The following CREB5 variants were observed in gnomAD, a reference collection of about 807,000 sequenced individuals.
CREB5 encodes the protein cAMP responsive element binding protein 5, also known as cyclic AMP-responsive element-binding protein 5.
CREB5 carries 19 observed loss-of-function variants against 57.1 expected under a neutral mutation model. The observed-to-expected ratio is 0.33, with a 90% CI of 0.23 to 0.49. The LOEUF (loss-of-function observed/expected upper bound fraction) is 0.49. Among genes scored for constraint, CREB5 ranks in the 20% least tolerant of loss-of-function variants. The probability of loss-of-function intolerance (pLI) is 0.99; values close to 1 mark genes in which losing one functional copy is unlikely to be tolerated. For synonymous variants in CREB5, 238 were observed against 238.3 expected (o/e 1.00, Z 0.01); for missense variants, 579 against 671.6 (o/e 0.86, Z 1.52).
At chr7:28,386,321 G>A (rs1273269153) in intron 1 of CREB5, among the ~76,000 whole-genome samples, 1 of 152,098 alleles carries the variant, frequency 6.6e-6, no homozygotes, top group African/African-American at 2.4e-5. Flanking sequence ...ATTCTATGAT[G>A]ATCGTTCCTT....
chr7:28,353,966 T>C (rs2127990998), intron 1 of CREB5, among the ~76,000 whole-genome samples: 1 of 152,222 alleles, frequency 6.6e-6, no homozygotes, highest in Non-Finnish European at 1.5e-5. Flanking sequence ...TAAGACACCA[T>C]TAAAGACATT....
intron 5 of CREB5, among the ~76,000 whole-genome samples, chr7:28,682,128 G>A (rs1260393443): frequency 2.0e-5 from 3 of 152,194 alleles, no homozygotes; most frequent in Non-Finnish European, 4.4e-5. Flanking sequence ...GGTACTTAGT[G>A]CCAGGGTTGG....
At chr7:28,607,637 C>T (rs1360819944) in intron 5 of CREB5, among the ~76,000 whole-genome samples, 3 of 152,028 alleles carry the variant, frequency 2.0e-5, no homozygotes, top group Admixed American at 6.6e-5. Context: ...AAGTGTAGTG[C>T]ATTGGAAGGA....
At chr7:28,453,501 A>G (rs535376443) in intron 1 of CREB5, among the ~76,000 whole-genome samples, 2 of 152,352 alleles carry the variant, frequency 1.3e-5, no homozygotes, top group East Asian at 1.9e-4. Flanking sequence ...AAATTGACTT[A>G]TCTTCTCATA....
intron 1 of CREB5, among the ~76,000 whole-genome samples, chr7:28,302,221 T>G (rs888688731): frequency 5.3e-5 from 8 of 152,204 alleles, no homozygotes; most frequent in Non-Finnish European, 8.8e-5. Flanking sequence ...AATAGCTGCA[T>G]CACATTAAGT....
chr7:28,315,346 C>T (rs1424959577), intron 1 of CREB5, among the ~76,000 whole-genome samples: 5 of 152,106 alleles, frequency 3.3e-5, no homozygotes, highest in African/African-American at 4.8e-5. Context: ...TTTATTTTTT[C>T]GGAAAAAGTC....
intron 9 of CREB5, among the ~76,000 whole-genome samples, chr7:28,813,354 A>G (rs1406419949): frequency 6.6e-6 from 1 of 152,248 alleles, no homozygotes; most frequent in East Asian, 1.9e-4. Flanking sequence ...AGTAGAGGAT[A>G]TGGAAATCAT....
chr7:28,439,695 T>C (rs1043965800), intron 1 of CREB5, among the ~76,000 whole-genome samples: 7 of 152,168 alleles, frequency 4.6e-5, no homozygotes, highest in Non-Finnish European at 8.8e-5. Context: ...ACACTGCCTA[T>C]CTCCTAAGAT....
At chr7:28,355,759 T>A (rs1403177993) in intron 1 of CREB5, among the ~76,000 whole-genome samples, 1 of 152,222 alleles carries the variant, frequency 6.6e-6, no homozygotes, top group Non-Finnish European at 1.5e-5. Context: ...GCCGCATTTT[T>A]ATGACACGCA....
chr7:28,454,310 C>T (rs956133849), intron 1 of CREB5, among the ~76,000 whole-genome samples: 1 of 152,100 alleles, frequency 6.6e-6, no homozygotes, highest in South Asian at 2.1e-4. Flanking sequence ...CATTCCTGTC[C>T]AACATGCCCT....
intron 5 of CREB5, among the ~76,000 whole-genome samples, chr7:28,609,273 G>A (rs1583412177): frequency 6.6e-6 from 1 of 152,182 alleles, no homozygotes; most frequent in East Asian, 1.9e-4. Flanking sequence ...GGGGTCCTAT[G>A]TCTGTGGGGC....
chr7:28,802,500 T>G (rs1304730479), intron 7 of CREB5, among the ~76,000 whole-genome samples: 1 of 152,250 alleles, frequency 6.6e-6, no homozygotes, highest in Non-Finnish European at 1.5e-5. Flanking sequence ...CCAGCAATTA[T>G]ACACCACTAT....
intron 4 of CREB5, among the ~76,000 whole-genome samples, chr7:28,569,987 A>T (rs967794760): frequency 2.0e-5 from 3 of 152,224 alleles, no homozygotes; most frequent in African/African-American, 7.2e-5. Flanking sequence ...GCAAAGCAGG[A>T]TGCAGAGTGA....
chr7:28,348,814 C>T (rs910222272), intron 1 of CREB5, among the ~76,000 whole-genome samples: 1 of 152,198 alleles, frequency 6.6e-6, no homozygotes, highest in African/African-American at 2.4e-5. Context: ...GAACACTCCC[C>T]AGCCAGGCCA....
intron 1 of CREB5, among the ~76,000 whole-genome samples, chr7:28,386,545 T>G (rs1787109257): frequency 6.6e-6 from 1 of 152,220 alleles, no homozygotes; most frequent in Admixed American, 6.5e-5. Context: ...TTGTGCTTTC[T>G]GAACTTGAAA....
At chr7:28,638,342 A>G (rs1583460457) in intron 5 of CREB5, among the ~76,000 whole-genome samples, 1 of 145,448 alleles carries the variant, frequency 6.9e-6, no homozygotes, top group Non-Finnish European at 1.5e-5. Flanking sequence ...AGGTTTGCAT[A>G]TTCTTTTTTC....
chr7:28,306,152 A>G (rs1028001856), intron 1 of CREB5, among the ~76,000 whole-genome samples: 1 of 152,228 alleles, frequency 6.6e-6, no homozygotes, highest in Admixed American at 6.5e-5. Context: ...CAAAGCGTCC[A>G]TAATTGTAAC....
intron 5 of CREB5, among the ~76,000 whole-genome samples, chr7:28,639,492 C>T (rs908022502): frequency 3.9e-5 from 6 of 151,922 alleles, no homozygotes; most frequent in South Asian, 2.1e-4. Context: ...GAGCATTGAA[C>T]AATATATTTA....
chr7:28,700,919 A>AT (rs904982642), intron 5 of CREB5, among the ~76,000 whole-genome samples: 1 of 150,662 alleles, frequency 6.6e-6, no homozygotes, highest in African/African-American at 2.4e-5. Flanking sequence ...CTGAGTTTTC[A>AT]TTTTTTTAAG....
Sources: gnomAD v4.1 joint callset for allele counts (sites outside exome capture counted in the v4.1 genomes callset) on GRCh38, gnomAD v4.1.1 for gene constraint, MANE v1.5 for transcripts, NCBI Gene and HGNC (gene_info 2026-07-23, HGNC 2026-07-21) for gene names.